LHCGR: variants seen among roughly 807,000 people sequenced by gnomAD.
LHCGR encodes luteinizing hormone/choriogonadotropin receptor, also known as lutropin-choriogonadotropic hormone receptor.
A neutral mutation model predicts 60.7 loss-of-function variants in LHCGR; 55 were observed. The observed-to-expected ratio is 0.91, with a 90% CI of 0.73 to 1.13. The LOEUF (loss-of-function observed/expected upper bound fraction) is 1.13, where lower values mean the gene tolerates loss of function less well. LHCGR is among the 50% of genes most tolerant of loss of function. The pLI is 0.00. For synonymous variants in LHCGR, 337 were observed against 316.5 expected, an observed-to-expected ratio of 1.06 and a Z score of -0.69; for missense variants, 862 against 836.0, an observed-to-expected ratio of 1.03 and a Z score of -0.38.
rs781409249 is a variant in LHCGR, at chr2:48,709,038, T to C, written c.606-16A>G. The C allele has an allele frequency of 2.5e-6, 4 of 1,605,864 alleles. No homozygotes were observed. The highest frequency in any genetic ancestry group is 2.7e-5 in the African/African-American group (2 of 74,780). On this transcript the variant is annotated splice_polypyrimidine_tract_variant and intron_variant, in intron 7 of 10. Coordinates refer to ENST00000294954, the MANE Select transcript of LHCGR (RefSeq NM_000233.4). ...CTTTAGCTCCCTGTGGGGAAGGATATTGCCCTTAGTGGAGTTTGTACCTCA... is the reference window on the plus strand; with the variant it reads ...CTTTAGCTCCCTGTGGGGAAGGATACTGCCCTTAGTGGAGTTTGTACCTCA...
At chr2:48,714,480 C>T (rs1668144357) in intron 6 of LHCGR, among the ~76,000 whole-genome samples, 1 of 146,992 alleles carries the variant, frequency 6.8e-6, no homozygotes, top group Non-Finnish European at 1.5e-5. Context: ...AGCACTGAGC[C>T]CACTTTTTTT....
intron 1 of LHCGR, among the ~76,000 whole-genome samples, chr2:48,741,190 G>T (rs553859137): frequency 6.6e-6 from 1 of 152,168 alleles, no homozygotes; most frequent in Non-Finnish European, 1.5e-5. Context: ...ATGGGACTAT[G>T]TGAAAAGACC....
chr2:48,755,580 G>T lies in LHCGR; in HGVS notation c.92C>A (p.Pro31His), dbSNP rs967924637. 2 of 1,539,722 alleles carry T rather than the reference G, an allele frequency of 1.3e-6. 1 individual carries two copies. The highest frequency in any genetic ancestry group is 3.9e-5 in the Admixed American group (2 of 50,906). Residue 31 changes from proline (P) to histidine (H), a missense_variant, in exon 1 of 11, where the codon CCT becomes CAT. Physicochemically the swap from Pro to His is moderately conservative, Grantham distance 77 (BLOSUM62 -2). Transcript: ENST00000294954. ...LPRALREALC[P>H]EPCNCVPDGA... is the part of the protein sequence containing the mutation. The stretch of plus-strand genomic sequence containing the variant: ...GTCGGGCACGCAGTTGCAGGGCTCA[G>T]GGCAGAGCGCCTCGCGCAGCGCTCG...
intron 1 of LHCGR, among the ~76,000 whole-genome samples, chr2:48,739,860 G>T (rs1669358106): frequency 6.6e-6 from 1 of 152,152 alleles, no homozygotes; most frequent in African/African-American, 2.4e-5. Flanking sequence ...AATAGGAACA[G>T]CTCCAGTCTA....
intron 8 of LHCGR, among the ~76,000 whole-genome samples, chr2:48,704,053 A>G (rs889682179): frequency 2.0e-5 from 3 of 152,156 alleles, no homozygotes; most frequent in Non-Finnish European, 4.4e-5. Flanking sequence ...TTATTTTGAG[A>G]TACATTCCAT....
At chr2:48,711,290 AT>A (rs1458697926) in intron 7 of LHCGR, among the ~76,000 whole-genome samples, 1 of 152,054 alleles carries the variant, frequency 6.6e-6, no homozygotes, top group African/African-American at 2.4e-5. Context: ...CCTTGTAATA[AT>A]TTTATCTGTT....
chr2:48,698,725 T>G lies in LHCGR; in HGVS notation c.756A>C (p.Ser252=). Residue 252 remains serine, a synonymous_variant, in exon 9 of 11, where the codon TCA becomes TCC. Transcript: ENST00000294954. ...LESIQRLIAT[S]SYSLKKLPSR... is the part of the protein sequence containing the mutation. The stretch of plus-strand genomic sequence containing the variant: ...ATGGCAATTTTTTTAGAGAATAGGA[T>G]GACGTGGCAATTAGCCTCTGAATGG... 1.2e-6 allele frequency: 2 copies of G among 1,614,134 alleles called. No homozygotes were observed. Among genetic ancestry groups the G allele is most frequent in the Non-Finnish European group, 1.7e-6 (2 of 1,179,970 alleles).
At chr2:48,693,320 G>C (rs1666952594) in intron 10 of LHCGR, among the ~76,000 whole-genome samples, 1 of 152,154 alleles carries the variant, frequency 6.6e-6, no homozygotes, top group Admixed American at 6.5e-5. Context: ...TATTTCTGCT[G>C]TTCCTTACAG....
intron 1 of LHCGR, among the ~76,000 whole-genome samples, chr2:48,734,201 A>G (rs1471254796): frequency 6.6e-6 from 1 of 152,202 alleles, no homozygotes; most frequent in African/African-American, 2.4e-5. Context: ...CTAAAGGCAC[A>G]CAGAGTAGCA....
chr2:48,754,678 A>C (rs556163843), intron 1 of LHCGR, among the ~76,000 whole-genome samples: 1 of 152,120 alleles, frequency 6.6e-6, no homozygotes, highest in African/African-American at 2.4e-5. Flanking sequence ...GGTAACTACT[A>C]ATCTACTTTC....
chr2:48,743,351 G>C (rs1267646315), intron 1 of LHCGR, among the ~76,000 whole-genome samples: 1 of 152,146 alleles, frequency 6.6e-6, no homozygotes, highest in African/African-American at 2.4e-5. Context: ...TATGAGGCCA[G>C]CATCATCCTG....
At chr2:48,695,209 A>G (rs1246417786) in intron 9 of LHCGR, among the ~76,000 whole-genome samples, 8 of 152,160 alleles carry the variant, frequency 5.3e-5, no homozygotes, top group African/African-American at 1.4e-4. Flanking sequence ...TGTCAAATGC[A>G]TAGTTTGTGA....
chr2:48,689,157 A>G (rs928928264), intron 10 of LHCGR, among the ~76,000 whole-genome samples: 4 of 151,022 alleles, frequency 2.6e-5, no homozygotes, highest in African/African-American at 4.9e-5. Context: ...ATATACATAT[A>G]TACACACATA....
At position 48,743,070 on chromosome 2, in the gene LHCGR, T is replaced by A. The variant is rs377444872; in HGVS notation, c.162-11772A>T. Among the ~76,000 whole-genome samples the A allele has an allele frequency of 3.8e-3, 586 of 152,216 alleles. 7 individuals are homozygous for A. The highest frequency in any genetic ancestry group is 0.014 in the African/African-American group (562 of 41,526). ...TCAGAGAATACTACAAACACCTCTATGCAAATAAACTAGAAAATCTAGAAG... is the reference window on the plus strand; with the variant it reads ...TCAGAGAATACTACAAACACCTCTAAGCAAATAAACTAGAAAATCTAGAAG... On this transcript the variant is annotated intron_variant, in intron 1 of 10. Coordinates refer to ENST00000294954, the MANE Select transcript of LHCGR (RefSeq NM_000233.4).
chr2:48,699,682 G>A (rs1667315863), intron 8 of LHCGR, among the ~76,000 whole-genome samples: 1 of 152,218 alleles, frequency 6.6e-6, no homozygotes, highest in Non-Finnish European at 1.5e-5. Context: ...GTTCTCTAAT[G>A]CATTCTCTAA....
chr2:48,697,507 C>T (rs937585304), intron 9 of LHCGR, among the ~76,000 whole-genome samples: 1 of 152,202 alleles, frequency 6.6e-6, no homozygotes, highest in Non-Finnish European at 1.5e-5. Context: ...CAGTTAATGG[C>T]ACATGACTCT....
In LHCGR at chr2:48,703,717, C is replaced by T. The variant is rs566797081; in HGVS notation, c.681-4917G>A. 3.3e-5 allele frequency among the ~76,000 whole-genome samples: 5 copies of T among 152,156 alleles called. No individual in the cohort carries two copies. In the South Asian group the frequency reaches 8.3e-4, roughly 25 times the overall value. ...TCTTATTGGTGAATAGGAATGCTTG[C>T]GATTTTTGCACATTGATCTTGTATC... On this transcript the variant is annotated intron_variant, in intron 8 of 10. Transcript: ENST00000294954.
chr2:48,687,980 A>G lies in LHCGR; in HGVS notation c.1817T>C (p.Val606Ala), dbSNP rs745427919. The G allele has an allele frequency of 2.5e-6, 4 of 1,614,054 alleles. No homozygotes were observed. The highest frequency in any genetic ancestry group is 3.4e-6 in the Non-Finnish European group (4 of 1,180,018). ...GATGGGATAAAAAAGAACCAGTAAA[A>G]CTTTAGAGTTGGTTACTGTGATAAG... ...VPLITVTNSK[V>A]LLVLFYPINS... Residue 606 changes from valine to alanine, a missense_variant, in exon 11 of 11, where the codon GTT (valine) becomes GCT (alanine). Val to Ala is a moderately conservative substitution (Grantham distance 64, BLOSUM62 0). Transcript: ENST00000294954.
intron 3 of LHCGR, among the ~76,000 whole-genome samples, chr2:48,726,081 C>T (rs1668709216): frequency 6.6e-6 from 1 of 152,126 alleles, no homozygotes; most frequent in Admixed American, 6.5e-5. Flanking sequence ...AGATTCTGCC[C>T]CACTGTGGAC....
Sources: gnomAD v4.1 joint callset for allele counts (sites outside exome capture counted in the v4.1 genomes callset) on GRCh38, gnomAD v4.1.1 for gene constraint, MANE v1.5 for transcripts, NCBI Gene and HGNC (gene_info 2026-07-23, HGNC 2026-07-21) for gene names.